PKN2: variants seen among roughly 807,000 people sequenced by gnomAD.
PKN2 encodes protein kinase N2.
PKN2 carries 38 observed loss-of-function variants against 119.1 expected under a neutral mutation model. That is an observed-to-expected ratio of 0.32 (90% CI 0.25 to 0.42). PKN2 has a LOEUF of 0.42. Among genes scored for constraint, PKN2 ranks in the 10% least tolerant of loss-of-function variants. The pLI is 1.00. For synonymous variants in PKN2, 390 were observed against 384.9 expected (o/e 1.01, Z -0.15); for missense variants, 850 against 1,165.1 (o/e 0.73, Z 3.94).
chr1:88,758,038 C>CAAAAAAAAAA (rs33914457), intron 2 of PKN2, among the ~76,000 whole-genome samples: 3 of 59,070 alleles, frequency 5.1e-5, no homozygotes, highest in African/African-American at 2.0e-4. Flanking sequence ...GAGACTATCT[C>CAAAAAAAAAA]AAAAAAAAAA....
At chr1:88,712,437 C>G (rs1435075987) in intron 1 of PKN2, among the ~76,000 whole-genome samples, 1 of 151,996 alleles carries the variant, frequency 6.6e-6, no homozygotes, top group African/African-American at 2.4e-5. Flanking sequence ...GTACCCCTTC[C>G]CAGGTTTGCT....
At chr1:88,819,314 G>T (rs56922736) in intron 16 of PKN2, among the ~76,000 whole-genome samples, 10,941 of 151,838 alleles carry the variant, frequency 0.072, 849 homozygotes, top group African/African-American at 0.19. Flanking sequence ...ACAAGGAACT[G>T]AAACAAATTT....
chr1:88,746,092 AACCTTATACCTTTAT>A (rs1394367848), intron 2 of PKN2, among the ~76,000 whole-genome samples: 3 of 152,140 alleles, frequency 2.0e-5, no homozygotes, highest in Non-Finnish European at 4.4e-5. Context: ...TATACCTTTA[AACCTTATACCTTTAT>A]ACCTTATACC....
At chr1:88,799,901 A>G (rs1321718245) in intron 8 of PKN2, among the ~76,000 whole-genome samples, 10 of 152,188 alleles carry the variant, frequency 6.6e-5, no homozygotes, top group Non-Finnish European at 1.5e-4. Context: ...TCACTGATAA[A>G]TTTCCAAAGC....
intron 6 of PKN2, among the ~76,000 whole-genome samples, chr1:88,774,295 T>G (rs1029321713): frequency 6.6e-6 from 1 of 152,232 alleles, no homozygotes; most frequent in Admixed American, 6.5e-5. Flanking sequence ...GAGTGAATCA[T>G]TGGCCACATG....
intron 1 of PKN2, among the ~76,000 whole-genome samples, chr1:88,707,173 A>G (rs1174948291): frequency 2.6e-5 from 4 of 152,072 alleles, no homozygotes; most frequent in Admixed American, 2.0e-4. Flanking sequence ...CCTTGAGTAA[A>G]TGTTCTGCAA....
At chr1:88,815,818 G>T (rs145317108) in intron 16 of PKN2, among the ~76,000 whole-genome samples, 1 of 152,290 alleles carries the variant, frequency 6.6e-6, no homozygotes, top group South Asian at 2.1e-4. Flanking sequence ...GATGGTATAC[G>T]CAATTAATCA....
At chr1:88,698,000 GA>G (rs1343823596) in intron 1 of PKN2, among the ~76,000 whole-genome samples, 2 of 152,044 alleles carry the variant, frequency 1.3e-5, no homozygotes, top group African/African-American at 4.8e-5. Flanking sequence ...ATCTTTGAAG[GA>G]AAGGACTATA....
intron 1 of PKN2, among the ~76,000 whole-genome samples, chr1:88,730,080 A>G (rs1172869609): frequency 2.0e-5 from 3 of 151,724 alleles, no homozygotes; most frequent in Non-Finnish European, 2.9e-5. Flanking sequence ...CAGGAGAATG[A>G]CGTAAACCCG....
intron 15 of PKN2, among the ~76,000 whole-genome samples, chr1:88,810,660 G>A (rs1671744784): frequency 6.6e-6 from 1 of 152,136 alleles, no homozygotes; most frequent in Non-Finnish European, 1.5e-5. Flanking sequence ...AGGCTGGAGT[G>A]CAGTGGAGTG....
chr1:88,750,960 A>G (rs1047491946), intron 2 of PKN2, among the ~76,000 whole-genome samples: 2 of 152,190 alleles, frequency 1.3e-5, no homozygotes, highest in Admixed American at 6.5e-5. Context: ...TTTTAAATCT[A>G]GAATTCAGAT....
chr1:88,684,325 G>A lies in PKN2; in HGVS notation c.-256G>A. 2 of 420,050 alleles carry A rather than the reference G, an allele frequency of 4.8e-6. No homozygotes were observed. The highest frequency in any genetic ancestry group is 8.5e-6 in the Non-Finnish European group (2 of 235,930). The allele number at this position is 420,050 out of a possible 1,614,324, so 26.0% of individuals were successfully genotyped here. On this transcript the variant is annotated 5_prime_UTR_variant, in exon 1 of 22. Coordinates refer to ENST00000370521, the MANE Select transcript of PKN2 (RefSeq NM_006256.4). ...TTGAGGCGGCTCCTGGCGTCGCCCA[G>A]AGGGAGCGACTAGACGAACAGTCCG...
Position 88,727,175 on chromosome 1 carries a change from CT to C in PKN2, c.49-13802del, listed in dbSNP as rs1221536358. Among the ~76,000 whole-genome samples the C allele has an allele frequency of 3.1e-3, 432 of 137,638 alleles. 3 individuals are homozygous for C. The highest frequency in any genetic ancestry group is 9.8e-3 in the African/African-American group (370 of 37,740). The allele number at this position is 137,638 out of a possible 152,430, so 90.3% of individuals were successfully genotyped here. On this transcript the variant is annotated intron_variant, in intron 1 of 21. Transcript: ENST00000370521. ...CTTTTTTATCATTTTTAATGACGCT[CT>C]TTTTTTTTTTCATTTTCTTTTCTTT...
chr1:88,805,037 T>A, intron 10 of PKN2, 116 bp downstream of exon 10: 1 of 568,182 alleles, frequency 1.8e-6, no homozygotes, highest in East Asian at 3.1e-5. Flanking sequence ...ATTCATTTAT[T>A]TCTAACTTCT....
At position 88,722,082 on chromosome 1, in the gene PKN2, T is replaced by C. The variant is rs546147589; in HGVS notation, c.49-18906T>C. 3.3e-5 allele frequency among the ~76,000 whole-genome samples: 5 copies of C among 152,358 alleles called. No individual in the cohort carries two copies. In the South Asian group the frequency reaches 1.0e-3, roughly 32 times the overall value. Reference sequence around the variant, plus strand: ...ATGCTCTAGAGTCATTGGTAGGCTCTAGTACTTGTCTCATGATAATGAGCC... The same window carrying C: ...ATGCTCTAGAGTCATTGGTAGGCTCCAGTACTTGTCTCATGATAATGAGCC... On this transcript the variant is annotated intron_variant, in intron 1 of 21. Transcript: ENST00000370521.
In PKN2 at chr1:88,741,155, C is replaced by T. The variant is rs777101396; in HGVS notation, c.216C>T (p.Val72=). 8.1e-6 allele frequency: 13 copies of T among 1,611,630 alleles called. No individual in the cohort carries two copies. The South Asian group carries it at 1.3e-4, about 16-fold the overall frequency. ...IKEGAENLRK[V]TTDKKSLAYV... is the part of the protein sequence containing the mutation. ...AAGGAGCTGAAAATCTGAGGAAAGT[C>T]ACAACAGATAAAAAAAGTTTGGCTT... The change falls in exon 2 of 22, where the codon GTC becomes GTT. Residue 72 remains valine, a synonymous_variant. Coordinates refer to ENST00000370521, the MANE Select transcript of PKN2 (RefSeq NM_006256.4).
intron 16 of PKN2, among the ~76,000 whole-genome samples, chr1:88,816,164 G>A (rs553729146): frequency 6.6e-6 from 1 of 151,878 alleles, no homozygotes; most frequent in African/African-American, 2.4e-5. Flanking sequence ...AGAAATCAAG[G>A]TATTTTTATA....
Position 88,789,691 on chromosome 1 carries a change from T to C in PKN2, c.1281+3478T>C, listed in dbSNP as rs117372555. Among the ~76,000 whole-genome samples the C allele has an allele frequency of 3.8e-3, 467 of 123,306 alleles. 3 individuals carry two copies. The highest frequency in any genetic ancestry group is 6.1e-3 in the Admixed American group (76 of 12,540). The allele number at this position is 123,306 out of a possible 152,430, so 80.9% of individuals were successfully genotyped here. On this transcript the variant is annotated intron_variant, in intron 8 of 21. Coordinates refer to ENST00000370521, the MANE Select transcript of PKN2 (RefSeq NM_006256.4). Reference sequence around the variant, plus strand: ...ATAATAATAATAATAATAATAATAATAACAACAACAAAATAAGATTATAAG... The same window carrying C: ...ATAATAATAATAATAATAATAATAACAACAACAACAAAATAAGATTATAAG...
chr1:88,825,879 C>A (rs559240805), intron 18 of PKN2, among the ~76,000 whole-genome samples: 1 of 152,154 alleles, frequency 6.6e-6, no homozygotes, highest in Non-Finnish European at 1.5e-5. Context: ...TCTTGCTGCT[C>A]TCTGTTTAGT....
Sources: allele counts gnomAD v4.1 joint callset (sites outside exome capture counted in the v4.1 genomes callset), GRCh38; gene constraint gnomAD v4.1.1; transcripts MANE v1.5; gene names NCBI Gene and HGNC (gene_info 2026-07-23, HGNC 2026-07-21).